ADH1B: variants seen among roughly 807,000 people sequenced by gnomAD.
ADH1B encodes all-trans-retinol dehydrogenase [NAD(+)] ADH1B.
In ADH1B, 29 loss-of-function variants were observed where a neutral mutation model predicts 34.6. The ratio of observed to expected loss-of-function variants is 0.84; its 90% CI spans 0.62 to 1.14. The LOEUF (loss-of-function observed/expected upper bound fraction) is 1.14, where lower values mean the gene tolerates loss of function less well. Among genes scored for constraint, ADH1B ranks in the 50% most tolerant of loss-of-function variants. The probability of loss-of-function intolerance (pLI) is 0.00; values close to 1 mark genes in which losing one functional copy is unlikely to be tolerated. For missense variants in ADH1B, 424 were observed against 468.4 expected (o/e 0.91, Z 0.87); for synonymous variants, 170 against 175.5 (o/e 0.97, Z 0.25).
Position 99,313,632 on chromosome 4 carries a change from G to C in ADH1B, c.828+189C>G, listed in dbSNP as rs1013479736. ...TCTAGAGGAAATATGACTTGAGACA[G>C]GTTTGGGTAATTGATGGAAGAGAAG... On this transcript the variant is annotated intron_variant, in intron 6 of 8. Transcript: ENST00000305046. 11 of 1,068,138 alleles carry C rather than the reference G, an allele frequency of 1.0e-5. No homozygotes were observed. In the African/African-American group the frequency reaches 1.3e-4, roughly 12 times the overall value. The allele number at this position is 1,068,138 out of a possible 1,614,324, so 66.2% of individuals were successfully genotyped here.
intron 3 of ADH1B, 126 bp downstream of exon 3, chr4:99,317,920 C>T (rs1485316051): frequency 6.7e-7 from 1 of 1,496,478 alleles, no homozygotes; most frequent in Non-Finnish European, 9.0e-7. Context: ...GAGGAAACTC[C>T]TGAAGTCCTG....
chr4:99,314,152 C>A, intron 5 of ADH1B, 71 bp from the exon 6 acceptor site: 3 of 1,579,158 alleles, frequency 1.9e-6, no homozygotes, highest in Non-Finnish European at 2.6e-6. Context: ...TCATAAAGTG[C>A]CATGCGTAGG....
chr4:99,321,123 G>A (rs1579517322), intron 1 of ADH1B, among the ~76,000 whole-genome samples, 191 bp downstream of exon 1: 1 of 152,148 alleles, frequency 6.6e-6, no homozygotes, highest in African/African-American at 2.4e-5. Context: ...TCCTGTTAAA[G>A]GTACTTAAGA....
In ADH1B at chr4:99,305,577, A is replaced by ATGTG. The variant is rs1560524545; in HGVS notation, c.*2262_*2263insCACA. The ATGTG allele has an allele frequency of 1.3e-5, 1 of 77,538 alleles. No homozygotes were observed. Among genetic ancestry groups the ATGTG allele is most frequent in the African/African-American group, 4.7e-5 (1 of 21,222 alleles). 4.8% of individuals were successfully genotyped at this position (77,538 alleles called of 1,614,324 possible). On this transcript the variant is annotated 3_prime_UTR_variant, in exon 9 of 9. Transcript: ENST00000305046. ...CCCCATAGTGTATATATATATATAT[A>ATGTG]TATATATATATATATATATATATAT...
intron 3 of ADH1B, 106 bp downstream of exon 3, chr4:99,317,940 T>G: frequency 6.5e-7 from 1 of 1,539,910 alleles, no homozygotes; most frequent in Non-Finnish European, 8.7e-7. Flanking sequence ...GGCTGCGCGG[T>G]GACCTTGTGC....
intron 1 of ADH1B, chr4:99,320,988 C>A: frequency 1.9e-6 from 2 of 1,030,562 alleles, no homozygotes; most frequent in South Asian, 1.6e-5. Context: ...AGATAACTTG[C>A]CATTAAAGAC....
At chr4:99,314,119 G>A (rs772290764) in intron 5 of ADH1B, 38 bp from the exon 6 acceptor site, 2 of 1,607,026 alleles carry the variant, frequency 1.2e-6, no homozygotes, top group Admixed American at 1.7e-5. Flanking sequence ...ATTAAGTGAT[G>A]ATTGTTAGAA....
At chr4:99,307,907 C>T (rs760887794) in intron 8 of ADH1B, 43 bp from the exon 9 acceptor site, 3 of 1,613,134 alleles carry the variant, frequency 1.9e-6, no homozygotes, top group South Asian at 2.2e-5. Flanking sequence ...ATTTAGACAA[C>T]CCACATGCTT....
rs377379177 is a variant in ADH1B at position 99,307,908 on chromosome 4, C to T, written c.1104-44G>A. 1.1e-5 allele frequency: 17 copies of T among 1,613,118 alleles called. No homozygotes were observed. The African/African-American group carries it at 1.9e-4, about 18-fold the overall frequency. On this transcript the variant is annotated intron_variant, in intron 8 of 8. Coordinates refer to ENST00000305046, the MANE Select transcript of ADH1B (RefSeq NM_000668.6). ...GACATTGTGTTAACATTTAGACAAC[C>T]CACATGCTTGTTGTGAGAGTCCAAG... is the stretch of plus-strand genomic sequence containing the variant.
In ADH1B at chr4:99,310,463, G is replaced by GT. The variant is rs750994861; in HGVS notation, c.1103+301dup. On this transcript the variant is annotated intron_variant, in intron 8 of 8. Transcript: ENST00000305046. ...ATTATGGCTGTTTAAATAGACTTTT[G>GT]TTTTTTTGTGGGGTTTTTTTTGGGC... 703 of 358,378 alleles carry GT rather than the reference G, an allele frequency of 2.0e-3. 2 individuals are homozygous for GT. The highest frequency in any genetic ancestry group is 2.8e-3 in the Non-Finnish European group (527 of 191,546). The allele number at this position is 358,378 out of a possible 1,614,324, so 22.2% of individuals were successfully genotyped here.
rs1024257094 is a variant in ADH1B, at chr4:99,306,834, C to T, written c.*1006G>A. 2.6e-5 allele frequency: 4 copies of T among 152,100 alleles called. No individual in the cohort carries two copies. Among genetic ancestry groups the T allele is most frequent in the Admixed American group, 2.6e-4 (4 of 15,258 alleles). The allele number at this position is 152,100 out of a possible 1,614,324, so 9.4% of individuals were successfully genotyped here. A position where few individuals can be genotyped will look rare whatever the true frequency, so the allele number is the denominator to read the frequency against. ...TTGAAAACAATTTTGCAAAAATATACATTTGTATATGTGTATATATGTATG... is the reference window on the plus strand; with the variant it reads ...TTGAAAACAATTTTGCAAAAATATATATTTGTATATGTGTATATATGTATG... On this transcript the variant is annotated 3_prime_UTR_variant, in exon 9 of 9. Transcript: ENST00000305046.
chr4:99,311,960 T>C (rs755632564), intron 6 of ADH1B, among the ~76,000 whole-genome samples: 1 of 152,202 alleles, frequency 6.6e-6, no homozygotes, highest in Non-Finnish European at 1.5e-5. Context: ...AGATAAACAA[T>C]TATATCACCG....
chr4:99,309,794 A>G (rs1257250734), intron 8 of ADH1B, among the ~76,000 whole-genome samples: 2 of 152,074 alleles, frequency 1.3e-5, no homozygotes, highest in Non-Finnish European at 2.9e-5. Context: ...GTTCTCTAAG[A>G]TAGTGAGATT....
chr4:99,313,953 C>T lies in ADH1B; in HGVS notation c.696G>A (p.Lys232=), dbSNP rs1247529805. ...AVDINKDKFA[K]AKELGATECI... ...ATTCAGTGGCACCCAACTCTTTGGC[C>T]TTTGCAAATTTGTCCTTGTTGATGT... Residue 232 remains lysine, a synonymous_variant, in exon 6 of 9, where the codon AAG becomes AAA. Coordinates refer to ENST00000305046, the MANE Select transcript of ADH1B (RefSeq NM_000668.6). 1 of 1,614,130 alleles carries T rather than the reference C, an allele frequency of 6.2e-7. No homozygotes were observed.
At chr4:99,316,566 G>GTTTTT in intron 3 of ADH1B, 1 of 432,180 alleles carries the variant, frequency 2.3e-6, no homozygotes. Context: ...TGTACTAATA[G>GTTTTT]TTAACTTTTA....
At chr4:99,310,996 G>A (rs1414841130) in intron 7 of ADH1B, 93 bp from the exon 8 acceptor site, 1 of 1,466,470 alleles carries the variant, frequency 6.8e-7, no homozygotes, top group East Asian at 2.3e-5. Flanking sequence ...TTTAGAAAAG[G>A]TGCTCCATTC....
In ADH1B at chr4:99,321,299, A is replaced by G. The variant is rs748279185; in HGVS notation, c.18+15T>C. On this transcript the variant is annotated intron_variant, in intron 1 of 8. Transcript: ENST00000305046. ...ATGAGAATATATTACCAACAGTAATATATTTTTTGCTTACTTTTCCTGCTG... is the reference window on the plus strand; with the variant it reads ...ATGAGAATATATTACCAACAGTAATGTATTTTTTGCTTACTTTTCCTGCTG... The G allele has an allele frequency of 2.5e-6, 4 of 1,604,954 alleles. No homozygotes were observed. In the South Asian group the frequency reaches 3.3e-5, roughly 13 times the overall value.
chr4:99,307,564 A>G lies in ADH1B; in HGVS notation c.*276T>C, dbSNP rs111229252. 1.5e-5 allele frequency: 7 copies of G among 466,056 alleles called. No individual in the cohort carries two copies. The highest frequency in any genetic ancestry group is 4.8e-5 in the South Asian group (2 of 41,608). 28.9% of individuals were successfully genotyped at this position (466,056 alleles called of 1,614,324 possible). A position where few individuals can be genotyped will look rare whatever the true frequency, so the allele number is the denominator to read the frequency against. ...GAAGTCACAGGAATATTTTTCCTCA[A>G]TGGCAAAGGTGACACAGTAGAATGG... On this transcript the variant is annotated 3_prime_UTR_variant, in exon 9 of 9. Coordinates refer to ENST00000305046, the MANE Select transcript of ADH1B (RefSeq NM_000668.6).
At position 99,316,226 on chromosome 4, in the gene ADH1B, G is replaced by A. The variant is rs1297724742; in HGVS notation, c.336C>T (p.Cys112=). Reference sequence around the variant, plus strand: ...CATCAGAAACCTACTCATTTTTCAAGCAGTAGTTGCTCTCCGGGTTTTTAC... The same window carrying A: ...CATCAGAAACCTACTCATTTTTCAAACAGTAGTTGCTCTCCGGGTTTTTAC... ...RVCKNPESNY[C]LKNDLGNPRG... The change falls in exon 4 of 9, where the codon TGC becomes TGT. Residue 112 remains cysteine (C), a synonymous_variant. Coordinates refer to ENST00000305046, the MANE Select transcript of ADH1B (RefSeq NM_000668.6). The A allele has an allele frequency of 6.2e-7, 1 of 1,614,176 alleles. No individual in the cohort carries two copies. Among genetic ancestry groups the A allele is most frequent in the Admixed American group, 1.7e-5 (1 of 60,022 alleles).
Sources: gnomAD v4.1 joint callset for allele counts (sites outside exome capture counted in the v4.1 genomes callset) on GRCh38, gnomAD v4.1.1 for gene constraint, MANE v1.5 for transcripts, NCBI Gene and HGNC (gene_info 2026-07-23, HGNC 2026-07-21) for gene names.